Variants in ZBTB1 observed in about 807,000 individuals in gnomAD.
ZBTB1 encodes zinc finger and BTB domain containing 1, also known as zinc finger and BTB domain-containing protein 1.
Under a neutral mutation model 51.6 loss-of-function variants are expected in ZBTB1, and 13 were observed. That is an observed-to-expected ratio of 0.25 (90% CI 0.16 to 0.40). The LOEUF (loss-of-function observed/expected upper bound fraction) is 0.40, where lower values mean the gene tolerates loss of function less well. ZBTB1 is among the 10% of genes least tolerant of loss of function. The probability of loss-of-function intolerance (pLI) is 1.00; values close to 1 mark genes in which losing one functional copy is unlikely to be tolerated. For synonymous variants in ZBTB1, 240 were observed against 282.2 expected, an observed-to-expected ratio of 0.85 and a Z score of 1.50; for missense variants, 567 against 856.5, an observed-to-expected ratio of 0.66 and a Z score of 4.22.
chr14:64,528,343 T>C (rs543750296), downstream of ZBTB1, among the ~76,000 whole-genome samples: 5 of 136,524 alleles, frequency 3.7e-5, no homozygotes, highest in East Asian at 8.1e-4. Context: ...ATTTTTCTTT[T>C]CTTTTTTTTT....
chr14:64,517,782 T>TATATATATATATATATA (rs1491377695), intron 1 of ZBTB1, among the ~76,000 whole-genome samples: 5 of 34,810 alleles, frequency 1.4e-4, no homozygotes, highest in East Asian at 9.7e-4. Flanking sequence ...TATATATATA[T>TATATATATATATATATA]TTTTTTTTTT....
At position 64,524,197 on chromosome 14, in the gene ZBTB1, G is replaced by A. The variant is rs2079886011; in HGVS notation, c.*551G>A. ...TAGGTGCACTGAATCTAACCTTTAAGGTTGACATGGGCTCAAACTTGGCCT... is the reference window on the plus strand; with the variant it reads ...TAGGTGCACTGAATCTAACCTTTAAAGTTGACATGGGCTCAAACTTGGCCT... On this transcript the variant is annotated 3_prime_UTR_variant, in exon 2 of 2. Transcript: ENST00000683701. The A allele has an allele frequency of 5.1e-6, 5 of 984,930 alleles. No homozygotes were observed. In the South Asian group the frequency reaches 1.9e-4, roughly 37 times the overall value. 61.0% of individuals were successfully genotyped at this position (984,930 alleles called of 1,614,324 possible).
intron 1 of ZBTB1, among the ~76,000 whole-genome samples, chr14:64,509,413 A>C (rs1028070573): frequency 6.6e-6 from 1 of 152,168 alleles, no homozygotes; most frequent in East Asian, 1.9e-4. Flanking sequence ...AGAGTGAGCT[A>C]GACATTGAAA....
Position 64,521,879 on chromosome 14 carries a change from A to G in ZBTB1, c.375A>G (p.Lys125=). The G allele has an allele frequency of 6.2e-7, 1 of 1,613,630 alleles. No homozygotes were observed. Among genetic ancestry groups the G allele is most frequent in the Non-Finnish European group, 8.5e-7 (1 of 1,180,036 alleles). ...DIQDADCSSS[K]CSSSASSKQN... ...AGGATGCAGATTGTTCTAGTTCAAA[A>G]TGTTCCTCTTCTGCTTCCAGCAAAC... The change falls in exon 2 of 2, where the codon AAA becomes AAG. Residue 125 remains lysine, a synonymous_variant. Coordinates refer to ENST00000683701, the MANE Select transcript of ZBTB1 (RefSeq NM_001123329.2).
At chr14:64,530,600 CA>C (rs568731383) in intron 2 of ZBTB1, among the ~76,000 whole-genome samples, 1,647 of 124,856 alleles carry the variant, frequency 0.013, 20 homozygotes, top group South Asian at 0.077. Flanking sequence ...GACTCCGTCT[CA>C]AAAAAAAAAA....
chr14:64,503,829 G>A (rs1387591143), upstream of ZBTB1: 2 of 156,100 alleles, frequency 1.3e-5, no homozygotes, highest in Non-Finnish European at 2.8e-5. Flanking sequence ...TCTGGTAGCA[G>A]GGGAAAGAGG....
In ZBTB1 at chr14:64,521,495, T is replaced by G. The variant is rs1484407104; in HGVS notation, c.-10T>G. ...ATTTTTGTTTTACATAGGTCTCTAA[T>G]TAACAGAAGATGGCAAAGCCCAGCC... On this transcript the variant is annotated 5_prime_UTR_variant, in exon 2 of 2. Coordinates refer to ENST00000683701, the MANE Select transcript of ZBTB1 (RefSeq NM_001123329.2). 6.3e-7 allele frequency: 1 copy of G among 1,581,540 alleles called. No individual in the cohort carries two copies. The highest frequency in any genetic ancestry group is 8.6e-7 in the Non-Finnish European group (1 of 1,166,730).
intron 2 of ZBTB1, among the ~76,000 whole-genome samples, chr14:64,531,096 C>T (rs997636163): frequency 4.6e-5 from 7 of 152,166 alleles, no homozygotes; most frequent in African/African-American, 1.7e-4. Context: ...CCCCTACTTA[C>T]TTAAAAAGTT....
exon 3 of ZBTB1, chr14:64,532,191 A>C (rs1030237260): frequency 7.6e-6 from 2 of 262,498 alleles, no homozygotes; most frequent in Non-Finnish European, 7.1e-6. Flanking sequence ...GCTATACTAA[A>C]ATAAAACTTT....
At chr14:64,533,159 C>T (rs1356457157) in exon 3 of ZBTB1, 1 of 151,978 alleles carries the variant, frequency 6.6e-6, no homozygotes, top group African/African-American at 2.4e-5. Context: ...AATAATTAGA[C>T]TAAGTGAAAA....
intron 1 of ZBTB1, among the ~76,000 whole-genome samples, chr14:64,512,601 A>G (rs1217244924): frequency 6.6e-6 from 1 of 152,228 alleles, no homozygotes; most frequent in African/African-American, 2.4e-5. Flanking sequence ...AAATAAATTA[A>G]AAATAAAGTT....
intron 1 of ZBTB1, chr14:64,505,215 C>T (rs2079628862): frequency 6.8e-6 from 2 of 292,086 alleles, no homozygotes; most frequent in Non-Finnish European, 1.3e-5. Flanking sequence ...ACCTTCTTTT[C>T]TTTCTTTCTC....
At chr14:64,532,353 G>A (rs2079948363) in exon 3 of ZBTB1, 1 of 152,474 alleles carries the variant, frequency 6.6e-6, no homozygotes. Flanking sequence ...ATTATGAAAT[G>A]TACTTAGTCA....
At position 64,521,973 on chromosome 14, in the gene ZBTB1, A is replaced by C. The variant is rs773794184; in HGVS notation, c.469A>C (p.Asn157His). The stretch of plus-strand genomic sequence containing the variant: ...TGTGGCTCGAAATGGCAATGAAGCC[A>C]ACAGGTGGTGTGCAGAGCCAAGTTC... ...DTVARNGNEANRWCAEPSSTV... is the reference protein window; with the variant it reads ...DTVARNGNEAHRWCAEPSSTV... Residue 157 changes from asparagine to histidine, a missense_variant, in exon 2 of 2, where the codon AAC becomes CAC. By Grantham distance (68) the Asn-to-His change is moderately conservative. Transcript: ENST00000683701. 27 of 1,614,260 alleles carry C rather than the reference A, an allele frequency of 1.7e-5. No homozygotes were observed. In the South Asian group the frequency reaches 3.0e-4, roughly 18 times the overall value.
chr14:64,509,216 A>G (rs1019486483), intron 1 of ZBTB1, among the ~76,000 whole-genome samples: 4 of 152,204 alleles, frequency 2.6e-5, no homozygotes, highest in South Asian at 2.1e-4. Context: ...CAAACAATAC[A>G]AAAGTTAGCT....
downstream of ZBTB1, among the ~76,000 whole-genome samples, chr14:64,525,402 T>A (rs1406631631): frequency 6.6e-6 from 1 of 152,212 alleles, no homozygotes; most frequent in Non-Finnish European, 1.5e-5. Flanking sequence ...TAATTAAATT[T>A]GAAATCCAAC....
chr14:64,521,509 C>G lies in ZBTB1; in HGVS notation c.5C>G (p.Ala2Gly), dbSNP rs768617368. ...TAGGTCTCTAATTAACAGAAGATGG[C>G]AAAGCCCAGCCACAGCAGCTATGTC... M[A>G]KPSHSSYVLQ... The change falls in exon 2 of 2, where the codon GCA becomes GGA. Residue 2 changes from alanine (A) to glycine (G), a missense_variant. Ala to Gly is a moderately conservative substitution (Grantham distance 60, BLOSUM62 0). Coordinates refer to ENST00000683701, the MANE Select transcript of ZBTB1 (RefSeq NM_001123329.2). 1.9e-6 allele frequency: 3 copies of G among 1,594,824 alleles called. No homozygotes were observed. In the East Asian group the frequency reaches 6.7e-5, roughly 36 times the overall value.
At chr14:64,528,691 T>C (rs1178826303), downstream of ZBTB1, among the ~76,000 whole-genome samples, 1 of 152,250 alleles carries the variant, frequency 6.6e-6, no homozygotes, top group African/African-American at 2.4e-5. Flanking sequence ...CCTAGGGCTC[T>C]CACTTAATAA....
intron 1 of ZBTB1, among the ~76,000 whole-genome samples, chr14:64,518,903 G>GATATATATATATAT (rs1566633362): frequency 1.2e-4 from 5 of 41,058 alleles, no homozygotes; most frequent in Admixed American, 3.3e-4. Context: ...GTTGCAGAGA[G>GATATATATATATAT]GTATATATAT....
Sources: gnomAD v4.1 joint callset for allele counts (sites outside exome capture counted in the v4.1 genomes callset) on GRCh38, gnomAD v4.1.1 for gene constraint, MANE v1.5 for transcripts, NCBI Gene and HGNC (gene_info 2026-07-23, HGNC 2026-07-21) for gene names.